The following FGF14 variants were observed in gnomAD, a reference collection of about 807,000 sequenced individuals.
The protein encoded by FGF14 is fibroblast growth factor 14, also known as fibroblast growth factor homologous factor 4.
Under a neutral mutation model 25.5 loss-of-function variants are expected in FGF14, and 5 were observed. That is an observed-to-expected ratio of 0.20 (90% CI 0.10 to 0.41). FGF14 has a LOEUF of 0.41. FGF14 is among the 10% of genes least tolerant of loss of function. The pLI, the probability that FGF14 is intolerant of heterozygous loss-of-function variation, is 1.00. For synonymous variants in FGF14, 138 were observed against 118.3 expected (o/e 1.17, Z -1.08); for missense variants, 222 against 320.1 (o/e 0.69, Z 2.34).
intron 1 of FGF14, among the ~76,000 whole-genome samples, chr13:101,960,207 CTTAAT>C (rs2036759149): frequency 6.6e-6 from 1 of 152,176 alleles, no homozygotes; most frequent in Non-Finnish European, 1.5e-5. Context: ...TGTCTCCTTT[CTTAAT>C]TAAGTTCTGG....
intron 1 of FGF14, among the ~76,000 whole-genome samples, chr13:102,267,737 A>T (rs2053058596): frequency 6.6e-6 from 1 of 152,196 alleles, no homozygotes; most frequent in Admixed American, 6.6e-5. Flanking sequence ...AACCAAATGT[A>T]AATGTTATAA....
chr13:101,872,402 T>C (rs2045149203), intron 2 of FGF14, among the ~76,000 whole-genome samples: 1 of 151,862 alleles, frequency 6.6e-6, no homozygotes, highest in Admixed American at 6.6e-5. Flanking sequence ...TATATGATTA[T>C]TACATCACCT....
intron 1 of FGF14, among the ~76,000 whole-genome samples, chr13:102,021,305 A>G (rs1488839990): frequency 6.6e-6 from 1 of 152,100 alleles, no homozygotes; most frequent in East Asian, 1.9e-4. Flanking sequence ...CATTCTACTT[A>G]GCTCATTTTG....
chr13:102,347,340 C>T (rs969185913), intron 1 of FGF14, among the ~76,000 whole-genome samples: 1 of 152,010 alleles, frequency 6.6e-6, no homozygotes, highest in African/African-American at 2.4e-5. Flanking sequence ...ATAATTCTAC[C>T]GTAGAAAGTG....
intron 1 of FGF14, among the ~76,000 whole-genome samples, chr13:102,137,111 A>C (rs2046445616): frequency 6.6e-6 from 1 of 152,192 alleles, no homozygotes; most frequent in South Asian, 2.1e-4. Context: ...TTATGCTCTT[A>C]AACAGCCACA....
At chr13:101,961,934 G>C (rs542210743) in intron 1 of FGF14, among the ~76,000 whole-genome samples, 2 of 152,128 alleles carry the variant, frequency 1.3e-5, no homozygotes, top group African/African-American at 4.8e-5. Flanking sequence ...TCTGGTTTTT[G>C]TACCAGTACT....
At chr13:102,377,731 C>T (rs2058074146) in intron 1 of FGF14, among the ~76,000 whole-genome samples, 1 of 152,152 alleles carries the variant, frequency 6.6e-6, no homozygotes, top group Admixed American at 6.5e-5. Context: ...TCACTTGAAC[C>T]CAGGAGGCAG....
intron 3 of FGF14, among the ~76,000 whole-genome samples, chr13:101,809,474 C>T (rs1387653603): frequency 6.6e-6 from 1 of 152,086 alleles, no homozygotes. Flanking sequence ...AATGGGACTC[C>T]ATTTTGCTGC....
intron 3 of FGF14, among the ~76,000 whole-genome samples, chr13:101,753,136 A>G (rs1385286994): frequency 6.6e-6 from 1 of 152,180 alleles, no homozygotes; most frequent in Non-Finnish European, 1.5e-5. Context: ...TTTGGAATTA[A>G]GGTAAATTTA....
At chr13:101,811,078 C>T (rs953266561) in intron 3 of FGF14, among the ~76,000 whole-genome samples, 62 of 139,294 alleles carry the variant, frequency 4.5e-4, no homozygotes, top group Admixed American at 2.5e-4. Context: ...TGGAGTGGTG[C>T]GTTTGCTACA....
At chr13:102,362,669 G>A (rs1165830112) in intron 1 of FGF14, among the ~76,000 whole-genome samples, 1 of 152,112 alleles carries the variant, frequency 6.6e-6, no homozygotes, top group African/African-American at 2.4e-5. Flanking sequence ...CAATAAATCT[G>A]TGTCTCTCTT....
At chr13:101,967,644 C>G (rs982102133) in intron 1 of FGF14, 1 of 153,632 alleles carries the variant, frequency 6.5e-6, no homozygotes, top group East Asian at 1.9e-4. Context: ...ATAGCTTACA[C>G]GTTGAATTAT....
chr13:102,113,917 G>C (rs760680892), intron 1 of FGF14, among the ~76,000 whole-genome samples: 2 of 152,254 alleles, frequency 1.3e-5, no homozygotes, highest in South Asian at 4.1e-4. Context: ...TCAAGAAAAG[G>C]CATCAAGGCC....
At chr13:102,308,911 T>G (rs1213094333) in intron 1 of FGF14, among the ~76,000 whole-genome samples, 2 of 122,700 alleles carry the variant, frequency 1.6e-5, no homozygotes, top group Admixed American at 8.1e-5. Flanking sequence ...GGAGGGTTTC[T>G]TATACAAAAA....
At position 102,334,483 on chromosome 13, in the gene FGF14, C is replaced by A. The variant is rs148522356; in HGVS notation, c.208+66988G>T. Among the ~76,000 whole-genome samples the A allele has an allele frequency of 3.4e-3, 515 of 152,176 alleles. 1 individual carries two copies. The highest frequency in any genetic ancestry group is 0.012 in the African/African-American group (483 of 41,522). On this transcript the variant is annotated intron_variant, in intron 1 of 4. Coordinates refer to the FGF14 transcript ENST00000376131. The stretch of plus-strand genomic sequence containing the variant: ...CTGCAGCAAGCCATGCAGATGATGG[C>A]CACTCTTCAGAAACAGCAGTGTCAT...
intron 1 of FGF14, chr13:102,401,419 A>T: frequency 6.5e-7 from 1 of 1,548,030 alleles, no homozygotes. Flanking sequence ...CTCGATGAGC[A>T]ACAGACAGGT....
intron 1 of FGF14, among the ~76,000 whole-genome samples, chr13:102,065,003 TATATA>T (rs145418186): frequency 6.6e-6 from 1 of 152,062 alleles, no homozygotes; most frequent in East Asian, 1.9e-4. Context: ...AAATATCAGA[TATATA>T]ATATAATGTC....
rs7993816 is a variant in FGF14, at chr13:102,115,776, C to T, written c.209-240480G>A. Among the ~76,000 whole-genome samples, 677 of 151,112 alleles carry T rather than the reference C, an allele frequency of 4.5e-3. 6 individuals carry two copies. The highest frequency in any genetic ancestry group is 0.015 in the African/African-American group (597 of 40,964). ...AGATCACTTGTACACCAATCCTCAG[C>T]GACACACGATTTACCCATGTAACAA... On this transcript the variant is annotated intron_variant, in intron 1 of 4. Transcript: ENST00000376131.
intron 1 of FGF14, among the ~76,000 whole-genome samples, chr13:102,202,757 TATCCTTAC>T (rs1238877811): frequency 2.0e-5 from 3 of 152,222 alleles, no homozygotes; most frequent in Non-Finnish European, 4.4e-5. Flanking sequence ...AGAGAAGTGC[TATCCTTAC>T]GTAGTAGACA....
Sources: gnomAD v4.1 joint callset for allele counts (sites outside exome capture counted in the v4.1 genomes callset) on GRCh38, gnomAD v4.1.1 for gene constraint, MANE v1.5 for transcripts, NCBI Gene and HGNC (gene_info 2026-07-23, HGNC 2026-07-21) for gene names.